MGST1: variants seen among roughly 807,000 people sequenced by gnomAD.
MGST1 encodes the protein microsomal glutathione S-transferase 1, also known as glutathione S-transferase 12.
MGST1 carries 5 observed loss-of-function variants against 8.9 expected under a neutral mutation model. The observed-to-expected ratio is 0.56, with a 90% CI of 0.29 to 1.19. MGST1 has a LOEUF of 1.19. MGST1 is among the 50% of genes most tolerant of loss of function. The pLI is 0.08. For synonymous variants in MGST1, 54 were observed against 67.8 expected, an observed-to-expected ratio of 0.80 and a Z score of 1.00; for missense variants, 182 against 187.4, an observed-to-expected ratio of 0.97 and a Z score of 0.17.
At chr12:16,521,881 T>A (rs1258653807) in intron 4 of MGST1, among the ~76,000 whole-genome samples, 3 of 152,072 alleles carry the variant, frequency 2.0e-5, no homozygotes, top group Non-Finnish European at 4.4e-5. Flanking sequence ...GTGAAAACCA[T>A]TCCGAGAACA....
chr12:16,580,191 C>G (rs1943116915), intron 4 of MGST1, among the ~76,000 whole-genome samples: 1 of 152,106 alleles, frequency 6.6e-6, no homozygotes, highest in South Asian at 2.1e-4. Flanking sequence ...GCCTCCAACT[C>G]CTGGGCTCAA....
rs1169170731 is a variant in MGST1 at position 16,547,966 on chromosome 12, T to C, written n.483-41562T>C. Among the ~76,000 whole-genome samples, 2 of 152,206 alleles carry C rather than the reference T, an allele frequency of 1.3e-5. No individual in the cohort carries two copies. The highest frequency in any genetic ancestry group is 4.8e-5 in the African/African-American group (2 of 41,462). On this transcript the variant is annotated intron_variant and non_coding_transcript_variant, in intron 4 of 4. Coordinates refer to the MGST1 transcript ENST00000538857. This position sits in a 1 kb window ranked among gnomAD's most constrained non-coding sequence, Gnocchi z 4.6. ...ACTACAGATATAATTTTCAGTGCCC[T>C]GTTTCAGTTAAGGTGCAACATCTCT...
Position 16,564,012 on chromosome 12 carries a change from AGGCTTATAATGTAAAAGG to A in MGST1, n.483-25515_483-25498del, listed in dbSNP as rs1942497822. 2.0e-5 allele frequency among the ~76,000 whole-genome samples: 3 copies of A among 152,222 alleles called. No homozygotes were observed. The South Asian group carries it at 6.2e-4, about 31-fold the overall frequency. The stretch of plus-strand genomic sequence containing the variant: ...TTGTTTCTGACACACTTCCAAAAGT[AGGCTTATAATGTAAAAGG>A]TGACAAGTACCGGCCATACAATATC... On this transcript the variant is annotated intron_variant and non_coding_transcript_variant, in intron 4 of 4. Transcript: ENST00000538857.
At chr12:16,543,280 T>G (rs1941802748) in intron 4 of MGST1, among the ~76,000 whole-genome samples, 1 of 152,112 alleles carries the variant, frequency 6.6e-6, no homozygotes, top group Non-Finnish European at 1.5e-5. Context: ...TACATGGAAC[T>G]CAAAACAAAT....
downstream of MGST1, among the ~76,000 whole-genome samples, chr12:16,443,381 G>A (rs887470390): frequency 1.3e-5 from 2 of 151,496 alleles, no homozygotes; most frequent in Non-Finnish European, 3.0e-5. Context: ...CTAAAATCTC[G>A]CTTTTTGTTT....
downstream of MGST1, among the ~76,000 whole-genome samples, chr12:16,379,618 T>G (rs1412372908): frequency 1.3e-5 from 2 of 152,180 alleles, no homozygotes; most frequent in Non-Finnish European, 2.9e-5. Context: ...CTTTTTTGGT[T>G]GTGTCTCTGC....
chr12:16,372,269 G>A (rs1177442993), intron 3 of MGST1, among the ~76,000 whole-genome samples: 2 of 151,998 alleles, frequency 1.3e-5, no homozygotes, highest in Admixed American at 1.3e-4. Flanking sequence ...GAAAATATTT[G>A]CAAATATCCA....
intron 3 of MGST1, among the ~76,000 whole-genome samples, chr12:16,359,031 T>A (rs1433206138): frequency 6.6e-6 from 1 of 152,104 alleles, no homozygotes; most frequent in African/African-American, 2.4e-5. Context: ...TTGGTTATGC[T>A]GGATGTTAAT....
intron 4 of MGST1, among the ~76,000 whole-genome samples, chr12:16,573,053 T>C (rs1942870282): frequency 6.6e-6 from 1 of 151,994 alleles, no homozygotes; most frequent in African/African-American, 2.4e-5. Context: ...TCTATCCAGA[T>C]ACATCTTATA....
At position 16,582,969 on chromosome 12, in the gene MGST1, G is replaced by C. The variant is rs1943207606; in HGVS notation, n.483-6559G>C. Among the ~76,000 whole-genome samples, 1 of 150,422 alleles carries C rather than the reference G, an allele frequency of 6.6e-6. No homozygotes were observed. Among genetic ancestry groups the C allele is most frequent in the Non-Finnish European group, 1.5e-5 (1 of 67,804 alleles). On this transcript the variant is annotated intron_variant and non_coding_transcript_variant, in intron 4 of 4. Transcript: ENST00000538857. The surrounding 1 kb of genome is among the most constrained non-coding windows in gnomAD (Gnocchi z 4.1). The stretch of plus-strand genomic sequence containing the variant: ...GGCTAATGCAGGAAAATCTCTTGAA[G>C]CTGGGAGGCAGAGGTTGTAGTGAGC...
intron 1 of MGST1, among the ~76,000 whole-genome samples, chr12:16,411,112 A>C (rs1041168739): frequency 6.6e-6 from 1 of 152,070 alleles, no homozygotes; most frequent in Non-Finnish European, 1.5e-5. Context: ...ATGGACCCTC[A>C]AGGTATTACT....
intron 4 of MGST1, among the ~76,000 whole-genome samples, chr12:16,533,433 A>G (rs2137203021): frequency 6.6e-6 from 1 of 152,298 alleles, no homozygotes; most frequent in South Asian, 2.1e-4. Context: ...TCCTGGAAAC[A>G]GGAACATCTG....
At chr12:16,391,148 T>C (rs1940549126) in intron 1 of MGST1, among the ~76,000 whole-genome samples, 1 of 151,800 alleles carries the variant, frequency 6.6e-6, no homozygotes, top group Non-Finnish European at 1.5e-5. Flanking sequence ...TCTTTTTTTT[T>C]TTTTTCAATT....
intron 4 of MGST1, among the ~76,000 whole-genome samples, chr12:16,478,970 C>T (rs1941345055): frequency 6.6e-6 from 1 of 152,026 alleles, no homozygotes; most frequent in South Asian, 2.1e-4. Context: ...ATTGCCCCTT[C>T]CCCTAGACCC....
At chr12:16,414,355 TTC>T (rs1327688398) in intron 1 of MGST1, among the ~76,000 whole-genome samples, 3 of 126,200 alleles carry the variant, frequency 2.4e-5, no homozygotes, top group Non-Finnish European at 3.4e-5. Context: ...ATTACCTGAT[TTC>T]TTTTTTTTTT....
chr12:16,505,569 C>G (rs191158242), intron 4 of MGST1, among the ~76,000 whole-genome samples: 28 of 152,288 alleles, frequency 1.8e-4, no homozygotes, highest in Admixed American at 3.3e-4. Context: ...TATACCAATA[C>G]GGCACCAAGT....
intron 3 of MGST1, among the ~76,000 whole-genome samples, chr12:16,374,328 G>C (rs554094533): frequency 5.9e-5 from 9 of 152,022 alleles, no homozygotes; most frequent in African/African-American, 1.9e-4. Context: ...CATGGTTATT[G>C]CTTTTAAAAT....
At chr12:16,592,740 T>C (rs974691658), downstream of MGST1, among the ~76,000 whole-genome samples, 3 of 151,936 alleles carry the variant, frequency 2.0e-5, no homozygotes, top group African/African-American at 4.8e-5. Flanking sequence ...TCTTGATTCT[T>C]CTATTTTTTG....
chr12:16,568,155 T>G (rs1942685817), intron 4 of MGST1, among the ~76,000 whole-genome samples: 1 of 152,200 alleles, frequency 6.6e-6, no homozygotes, highest in Non-Finnish European at 1.5e-5. Flanking sequence ...TATTGTATGT[T>G]AATGGAAACC....
Sources: allele counts gnomAD v4.1 joint callset (sites outside exome capture counted in the v4.1 genomes callset), GRCh38; gene constraint gnomAD v4.1.1; non-coding constraint Gnocchi (gnomAD v3.1); transcripts MANE v1.5; gene names NCBI Gene and HGNC (gene_info 2026-07-23, HGNC 2026-07-21).